Variants in GARNL3 observed in about 807,000 individuals in gnomAD.
GARNL3 encodes GTPase activating Rap/RanGAP domain like 3.
Under a neutral mutation model 125.0 loss-of-function variants are expected in GARNL3, and 63 were observed. The ratio of observed to expected loss-of-function variants is 0.50; its 90% CI spans 0.41 to 0.62. The LOEUF (loss-of-function observed/expected upper bound fraction) is 0.62, where lower values mean the gene tolerates loss of function less well. Among genes scored for constraint, GARNL3 ranks in the 20% least tolerant of loss-of-function variants. The pLI, the probability that GARNL3 is intolerant of heterozygous loss-of-function variation, is 0.00. For missense variants in GARNL3, 994 were observed against 1,244.0 expected (o/e 0.80, Z 3.02); for synonymous variants, 439 against 457.5 (o/e 0.96, Z 0.52).
intron 2 of GARNL3, among the ~76,000 whole-genome samples, chr9:127,295,588 G>C (rs1260247258): frequency 6.6e-6 from 1 of 152,158 alleles, no homozygotes; most frequent in Non-Finnish European, 1.5e-5. Context: ...TCAGAAGCCA[G>C]TCACAAGCAT....
chr9:127,295,716 A>C (rs2779725), intron 2 of GARNL3, among the ~76,000 whole-genome samples: 125,018 of 151,926 alleles, frequency 0.82, 52,067 homozygotes, highest in African/African-American at 0.95. Context: ...TCACAGAATT[A>C]ATGAAAGCAC....
At chr9:127,270,255 G>A (rs746150536) in intron 1 of GARNL3, among the ~76,000 whole-genome samples, 4 of 152,060 alleles carry the variant, frequency 2.6e-5, no homozygotes. Flanking sequence ...TTAGTTTCTG[G>A]GCTTCCCTTC....
In GARNL3 at chr9:127,354,309, T is replaced by A; in HGVS notation, c.1658T>A (p.Leu553His). ...ATGTCACCAGGAAAAGATGCTCGCC[T>A]CTTTGTCTTCAGGCTAAGTGCTCTG... ...LRADKGKDAR[L>H]FVFRLSALQK... Residue 553 changes from leucine to histidine, a missense_variant, in exon 19 of 28, where the codon CTC becomes CAC. Physicochemically the swap from Leu to His is moderately conservative, Grantham distance 99 (BLOSUM62 -3). This residue lies in a region of GARNL3 where 728 missense variants were observed against 865.7 expected (regional missense o/e 0.84). Transcript: ENST00000373387. 1 of 1,613,550 alleles carries A rather than the reference T, an allele frequency of 6.2e-7. No individual in the cohort carries two copies. The highest frequency in any genetic ancestry group is 8.5e-7 in the Non-Finnish European group (1 of 1,179,610).
chr9:127,296,031 T>C (rs1036213743), intron 2 of GARNL3, among the ~76,000 whole-genome samples: 5 of 152,196 alleles, frequency 3.3e-5, no homozygotes, highest in Admixed American at 1.3e-4. Context: ...TCATCAGGCA[T>C]TGGATTCTCA....
chr9:127,288,797 T>C (rs1053578995), intron 1 of GARNL3, among the ~76,000 whole-genome samples: 3 of 152,226 alleles, frequency 2.0e-5, no homozygotes, highest in African/African-American at 7.2e-5. Context: ...AATTTATATT[T>C]TTATATGAAT....
At chr9:127,331,076 G>C (rs1196870304) in intron 7 of GARNL3, among the ~76,000 whole-genome samples, 1 of 152,022 alleles carries the variant, frequency 6.6e-6, no homozygotes, top group African/African-American at 2.4e-5. Flanking sequence ...TCTTCATCTA[G>C]TGGTGGGTCA....
intron 24 of GARNL3, 85 bp from the exon 25 acceptor site, chr9:127,387,108 A>G: frequency 1.4e-6 from 2 of 1,395,986 alleles, no homozygotes; most frequent in South Asian, 1.3e-5. Context: ...GACCAGTTGG[A>G]GGGTTTGCAG....
In GARNL3 at chr9:127,335,400, T is replaced by C. The variant is rs1006238082; in HGVS notation, c.873+67T>C. 20 of 1,224,674 alleles carry C rather than the reference T, an allele frequency of 1.6e-5. No homozygotes were observed. In the South Asian group the frequency reaches 2.4e-4, roughly 15 times the overall value. 75.9% of individuals were successfully genotyped at this position (1,224,674 alleles called of 1,614,324 possible). ...TGGAGAGGGCACCATTATGATTCCA[T>C]AGAATTAGGGGCTATGCCGGTTAAC... On this transcript the variant is annotated intron_variant, in intron 10 of 27. Transcript: ENST00000373387.
chr9:127,309,451 A>G (rs2065039206), intron 2 of GARNL3, among the ~76,000 whole-genome samples: 1 of 152,250 alleles, frequency 6.6e-6, no homozygotes, highest in Admixed American at 6.5e-5. Context: ...AGCAATGACA[A>G]GGACAGAGAG....
intron 2 of GARNL3, among the ~76,000 whole-genome samples, chr9:127,251,493 T>C (rs531387214): frequency 4.8e-4 from 73 of 152,332 alleles, no homozygotes; most frequent in Middle Eastern, 3.4e-3. Flanking sequence ...TAGTTTGACC[T>C]TAAAAGCACA....
intron 1 of GARNL3, among the ~76,000 whole-genome samples, chr9:127,283,391 C>T (rs2064152816): frequency 6.6e-6 from 1 of 152,194 alleles, no homozygotes; most frequent in Non-Finnish European, 1.5e-5. Context: ...TAAATCTAGG[C>T]TGGGCACAGT....
At chr9:127,259,737 A>C (rs1372465995), upstream of GARNL3, among the ~76,000 whole-genome samples, 1 of 152,104 alleles carries the variant, frequency 6.6e-6, no homozygotes, top group East Asian at 1.9e-4. Context: ...AGAGGGATTC[A>C]TATTACTAAT....
rs114922267 is a variant in GARNL3 at position 127,318,178 on chromosome 9, C to T, written c.503+51C>T. 2.3e-3 allele frequency: 2,511 copies of T among 1,068,968 alleles called. 40 individuals are homozygous for T. In the African/African-American group the frequency reaches 0.034, roughly 15 times the overall value. The allele number at this position is 1,068,968 out of a possible 1,614,324, so 66.2% of individuals were successfully genotyped here. A position where few individuals can be genotyped will look rare whatever the true frequency, so the allele number is the denominator to read the frequency against. ...ACACATGGATTTGGAGCCCTTTATA[C>T]ACTGTTTTTGCCTGTGATCATTCTG... On this transcript the variant is annotated intron_variant, in intron 5 of 27. Coordinates refer to ENST00000373387, the MANE Select transcript of GARNL3 (RefSeq NM_032293.5).
At chr9:127,388,175 C>T (rs1832647611) in intron 25 of GARNL3, among the ~76,000 whole-genome samples, 1 of 151,114 alleles carries the variant, frequency 6.6e-6, no homozygotes, top group African/African-American at 2.4e-5. Context: ...AATTAGCTGG[C>T]TGTGGTGGCA....
intron 2 of GARNL3, among the ~76,000 whole-genome samples, chr9:127,301,599 AG>A (rs2064789755): frequency 6.6e-6 from 1 of 152,174 alleles, no homozygotes. Flanking sequence ...TTTGTATCTA[AG>A]TGAAGGATCT....
chr9:127,313,249 T>G (rs978891717), intron 3 of GARNL3, 192 bp from the exon 4 acceptor site: 19 of 585,388 alleles, frequency 3.2e-5, no homozygotes, highest in Middle Eastern at 4.6e-4. Context: ...TGTTCATTCC[T>G]GAACCAGTCA....
intron 4 of GARNL3, among the ~76,000 whole-genome samples, chr9:127,315,374 T>C (rs1189212805): frequency 1.3e-5 from 2 of 152,186 alleles, no homozygotes; most frequent in Admixed American, 1.3e-4. Flanking sequence ...CAGTGGCTCA[T>C]GCCTGTAATC....
chr9:127,365,741 A>C (rs1831253701), intron 22 of GARNL3, among the ~76,000 whole-genome samples: 1 of 152,170 alleles, frequency 6.6e-6, no homozygotes, highest in African/African-American at 2.4e-5. Context: ...TTTAGAGATG[A>C]GGCAACTGAG....
rs180714171 is a variant in GARNL3 at position 127,320,614 on chromosome 9, C to G, written c.504-101C>G. On this transcript the variant is annotated intron_variant, in intron 5 of 27. Coordinates refer to ENST00000373387, the MANE Select transcript of GARNL3 (RefSeq NM_032293.5). Reference sequence around the variant, plus strand: ...TGATAACTCATTTGTTGATTTGTATCTTCTGAGTGTCAGGCCCTTTAGGGA... The same window carrying G: ...TGATAACTCATTTGTTGATTTGTATGTTCTGAGTGTCAGGCCCTTTAGGGA... The G allele has an allele frequency of 1.4e-5, 10 of 734,216 alleles. No homozygotes were observed. In the Admixed American group the frequency reaches 2.4e-4, roughly 18 times the overall value. The allele number at this position is 734,216 out of a possible 1,614,324, so 45.5% of individuals were successfully genotyped here. A position where few individuals can be genotyped will look rare whatever the true frequency, so the allele number is the denominator to read the frequency against.
Sources: allele counts gnomAD v4.1 joint callset (sites outside exome capture counted in the v4.1 genomes callset), GRCh38; gene constraint gnomAD v4.1.1; regional missense constraint gnomAD v4.1.1; transcripts MANE v1.5; gene names NCBI Gene and HGNC (gene_info 2026-07-23, HGNC 2026-07-21).